SP140: variants seen among roughly 807,000 people sequenced by gnomAD.
The protein encoded by SP140 is SP140 nuclear body protein.
A neutral mutation model predicts 125.0 loss-of-function variants in SP140; 81 were observed. That is an observed-to-expected ratio of 0.65 (90% CI 0.54 to 0.78). The LOEUF (loss-of-function observed/expected upper bound fraction) is 0.78. Ranked by LOEUF, SP140 falls within the 30% of genes least tolerant of loss-of-function variation. The pLI is 0.00. For synonymous variants in SP140, 312 were observed against 354.0 expected (o/e 0.88, Z 1.33); for missense variants, 858 against 1,037.0 (o/e 0.83, Z 2.37).
chr2:230,285,707 G>A, intron 16 of SP140, 45 bp from the exon 17 acceptor site: 1 of 1,493,888 alleles, frequency 6.7e-7, no homozygotes, highest in East Asian at 2.3e-5. Flanking sequence ...GACAGCTGTT[G>A]TTCTGCCCAG....
intron 21 of SP140, among the ~76,000 whole-genome samples, chr2:230,297,139 T>C (rs1490519249): frequency 6.6e-6 from 1 of 152,128 alleles, no homozygotes; most frequent in Admixed American, 6.5e-5. Context: ...AGAAACTATA[T>C]TTAATGGGTT....
chr2:230,266,704 G>A (rs927216531), intron 12 of SP140, among the ~76,000 whole-genome samples: 2 of 152,180 alleles, frequency 1.3e-5, no homozygotes, highest in Non-Finnish European at 1.5e-5. Flanking sequence ...TTGTTGAACC[G>A]AGGTCACAGC....
At chr2:230,280,532 C>T (rs112035728) in intron 15 of SP140, among the ~76,000 whole-genome samples, 4,717 of 152,054 alleles carry the variant, frequency 0.031, 121 homozygotes, top group Non-Finnish European at 0.047. Context: ...GTATTGTTGA[C>T]CATTCTCTAT....
intron 11 of SP140, among the ~76,000 whole-genome samples, chr2:230,254,664 T>G (rs924945665): frequency 3.3e-5 from 5 of 152,260 alleles, no homozygotes; most frequent in Non-Finnish European, 7.3e-5. Flanking sequence ...AGACTCATTT[T>G]TTCTGCTTTA....
chr2:230,297,343 A>G, intron 21 of SP140, 78 bp from the exon 22 acceptor site: 1 of 1,499,548 alleles, frequency 6.7e-7, no homozygotes, highest in South Asian at 1.2e-5. Context: ...TTCAAAGAAT[A>G]CTATTTAAAT....
chr2:230,290,625 G>C (rs1287049926), intron 19 of SP140, 61 bp downstream of exon 19: 2 of 1,338,262 alleles, frequency 1.5e-6, no homozygotes, highest in East Asian at 4.6e-5. Context: ...AAGTAGTGGG[G>C]AATTATCATG....
intron 1 of SP140, among the ~76,000 whole-genome samples, chr2:230,236,754 T>C (rs1425792844): frequency 1.3e-5 from 2 of 152,258 alleles, no homozygotes; most frequent in African/African-American, 4.8e-5. Context: ...CACAGTATCA[T>C]GTCAATTCCT....
At chr2:230,206,595 T>A (rs1432846704) in intron 1 of SP140, among the ~76,000 whole-genome samples, 4 of 70,506 alleles carry the variant, frequency 5.7e-5, no homozygotes, top group East Asian at 8.0e-4. Flanking sequence ...GGTCCAGATT[T>A]TATATATATA....
intron 7 of SP140, among the ~76,000 whole-genome samples, chr2:230,246,894 AAGG>A (rs957012799): frequency 6.6e-6 from 1 of 152,148 alleles, no homozygotes; most frequent in African/African-American, 2.4e-5. Context: ...GAAAAAGAGA[AAGG>A]AGAATAAGTG....
intron 9 of SP140, among the ~76,000 whole-genome samples, 180 bp from the exon 10 acceptor site, chr2:230,250,801 T>G (rs2050243849): frequency 6.6e-6 from 1 of 152,136 alleles, no homozygotes. Flanking sequence ...GTTCTCAGCC[T>G]TGGTGACAGC....
At chr2:230,221,602 G>A, upstream of SP140, 1 of 1,094,682 alleles carries the variant, frequency 9.1e-7, no homozygotes, top group South Asian at 1.3e-5. Context: ...AGGAGAGGGT[G>A]CATTGATGCC....
chr2:230,244,962 C>T, intron 5 of SP140, 26 bp from the exon 6 acceptor site: 4 of 1,543,886 alleles, frequency 2.6e-6, no homozygotes, highest in Non-Finnish European at 3.6e-6. Flanking sequence ...TCTGTGCTCT[C>T]ATCACTGTGC....
Position 230,282,039 on chromosome 2 carries a change from G to A in SP140, c.1499-2307G>A, listed in dbSNP as rs547757568. On this transcript the variant is annotated intron_variant, in intron 15 of 26. Coordinates refer to ENST00000392045, the MANE Select transcript of SP140 (RefSeq NM_007237.5). ...TAGGTGTGTGCAGCAGCAGAAGAATGCTTCACTGAGGAAACCTATGGGATT... is the reference window on the plus strand; with the variant it reads ...TAGGTGTGTGCAGCAGCAGAAGAATACTTCACTGAGGAAACCTATGGGATT... 1.1e-4 allele frequency among the ~76,000 whole-genome samples: 16 copies of A among 152,276 alleles called. No individual in the cohort carries two copies. In the South Asian group the frequency reaches 2.1e-3, roughly 20 times the overall value.
rs77313872 is a variant in SP140, at chr2:230,241,567, C to T, written c.490+80C>T. The T allele has an allele frequency of 1.7e-3, 1,394 of 824,560 alleles. 6 individuals carry two copies. In the African/African-American group the frequency reaches 0.021, roughly 12 times the overall value. 51.1% of individuals were successfully genotyped at this position (824,560 alleles called of 1,614,324 possible). On this transcript the variant is annotated intron_variant, in intron 4 of 26. Coordinates refer to ENST00000392045, the MANE Select transcript of SP140 (RefSeq NM_007237.5). The stretch of plus-strand genomic sequence containing the variant: ...CATGGAGGCAAATCTTGTATTTCCT[C>T]TCCTGTCTTAGCCCTCTGTTATCTC...
Position 230,309,924 on chromosome 2 carries a change from A to T in SP140, c.2059A>T (p.Met687Leu), listed in dbSNP as rs2059175448. Reference protein sequence around the residue: ...SQNNSSVDPCMRNLDECEVCR... With the variant: ...SQNNSSVDPCLRNLDECEVCR... ...ACGTGGACACTGTTTTATCTTCTAG[A>T]TGAGAAACCTGGATGAGTGTGAGGT... The change falls in exon 23 of 27, where the codon ATG becomes TTG. Residue 687 changes from methionine to leucine, a missense_variant and splice_region_variant. By Grantham distance (15) the Met-to-Leu change is conservative. Around this residue, in one of 4 missense-constraint regions of SP140, gnomAD observed 791 missense variants for 869.5 expected, o/e 0.91. Coordinates refer to ENST00000392045, the MANE Select transcript of SP140 (RefSeq NM_007237.5). 4.3e-6 allele frequency: 7 copies of T among 1,613,554 alleles called. No individual in the cohort carries two copies. The East Asian group carries it at 1.6e-4, about 36-fold the overall frequency.
chr2:230,238,750 C>A (rs2048317960), intron 3 of SP140: 4 of 1,542,852 alleles, frequency 2.6e-6, no homozygotes, highest in South Asian at 1.2e-5. Flanking sequence ...AAACAATTTT[C>A]TTTGTATTAG....
intron 12 of SP140, among the ~76,000 whole-genome samples, chr2:230,256,491 A>G (rs1295420853): frequency 1.5e-5 from 2 of 131,154 alleles, no homozygotes; most frequent in Non-Finnish European, 3.1e-5. Flanking sequence ...CTTGGACACA[A>G]GAAGGGGGAT....
chr2:230,246,074 C>A (rs62193142), intron 7 of SP140, 134 bp downstream of exon 7: 69,665 of 633,058 alleles, frequency 0.11, 4,373 homozygotes, highest in Middle Eastern at 0.13. Flanking sequence ...TTCATCCATC[C>A]ATCCATATAT....
the SP140 span, among the ~76,000 whole-genome samples, chr2:230,197,170 G>C: frequency 7.5e-4 from 114 of 152,096 alleles, no homozygotes; most frequent in Middle Eastern, 3.4e-3. Context: ...CAGTGTAAAA[G>C]TGTTCCTATT....
Sources: allele counts gnomAD v4.1 joint callset (sites outside exome capture counted in the v4.1 genomes callset), GRCh38; gene constraint gnomAD v4.1.1; regional missense constraint gnomAD v4.1.1; transcripts MANE v1.5; gene names NCBI Gene and HGNC (gene_info 2026-07-23, HGNC 2026-07-21).